DPP6: variants seen among roughly 807,000 people sequenced by gnomAD.
DPP6 encodes dipeptidyl peptidase like 6, also known as A-type potassium channel modulatory protein DPP6.
Under a neutral mutation model 122.6 loss-of-function variants are expected in DPP6, and 69 were observed. The ratio of observed to expected loss-of-function variants is 0.56; its 90% CI spans 0.46 to 0.69. DPP6 has a LOEUF of 0.69. DPP6 is among the 30% of genes least tolerant of loss of function. The probability of loss-of-function intolerance (pLI) is 0.00; values close to 1 mark genes in which losing one functional copy is unlikely to be tolerated. For missense variants in DPP6, 928 were observed against 1,116.9 expected (o/e 0.83, Z 2.41); for synonymous variants, 418 against 433.1 (o/e 0.97, Z 0.43).
chr7:154,526,745 A>G (rs1827436414), intron 3 of DPP6, among the ~76,000 whole-genome samples: 1 of 152,166 alleles, frequency 6.6e-6, no homozygotes, highest in Admixed American at 6.5e-5. Flanking sequence ...ATAACTTGCC[A>G]TACACACCTT....
intron 6 of DPP6, among the ~76,000 whole-genome samples, chr7:154,651,486 A>G (rs528892592): frequency 2.0e-5 from 3 of 152,190 alleles, no homozygotes; most frequent in South Asian, 2.1e-4. Context: ...TCCGTGGGCT[A>G]AACAAAACCC....
chr7:154,224,293 G>C (rs1800472134), intron 1 of DPP6, among the ~76,000 whole-genome samples: 1 of 148,892 alleles, frequency 6.7e-6, no homozygotes, highest in Non-Finnish European at 1.5e-5. Flanking sequence ...CTGCACTCCA[G>C]CCTGGGTGAC....
intron 1 of DPP6, among the ~76,000 whole-genome samples, chr7:154,081,010 A>G (rs1159408350): frequency 6.6e-6 from 1 of 152,092 alleles, no homozygotes; most frequent in Non-Finnish European, 1.5e-5. Context: ...ACATCCATCT[A>G]TACCTAGATC....
At chr7:154,406,980 A>C (rs1816171662) in intron 1 of DPP6, among the ~76,000 whole-genome samples, 1 of 152,208 alleles carries the variant, frequency 6.6e-6, no homozygotes, top group African/African-American at 2.4e-5. Flanking sequence ...TAGCTCAGGC[A>C]AACATCAGCT....
intron 1 of DPP6, among the ~76,000 whole-genome samples, chr7:154,106,162 C>T (rs1321219943): frequency 6.7e-6 from 1 of 149,436 alleles, no homozygotes; most frequent in Non-Finnish European, 1.5e-5. Flanking sequence ...ATTCAGAAAA[C>T]ATCTTGAGTT....
In DPP6 at chr7:154,619,087, T is replaced by C. The variant is rs1417405151; in HGVS notation, c.628-18734T>C. ...TGTAAGATGTGACTTTGCTCCTCAT[T>C]TGCCTTCAGCCATGATGATGAGGCC... On this transcript the variant is annotated intron_variant, in intron 5 of 25. Coordinates refer to ENST00000377770, the MANE Select transcript of DPP6 (RefSeq NM_130797.4). Among the ~76,000 whole-genome samples, 5 of 152,178 alleles carry C rather than the reference T, an allele frequency of 3.3e-5. No individual in the cohort carries two copies. In the South Asian group the frequency reaches 6.2e-4, roughly 19 times the overall value.
intron 1 of DPP6, among the ~76,000 whole-genome samples, chr7:154,236,113 A>G (rs1801197873): frequency 6.6e-6 from 1 of 152,184 alleles, no homozygotes; most frequent in Non-Finnish European, 1.5e-5. Context: ...TTGGCCTCCC[A>G]AAGTGCTGGG....
intron 1 of DPP6, among the ~76,000 whole-genome samples, chr7:154,076,380 GC>G (rs1050425079): frequency 6.6e-6 from 1 of 151,950 alleles, no homozygotes; most frequent in African/African-American, 2.4e-5. Flanking sequence ...AACCTGGGAG[GC>G]GGAGGTTGCA....
chr7:154,479,990 G>A (rs916832428), intron 3 of DPP6, among the ~76,000 whole-genome samples: 4 of 151,964 alleles, frequency 2.6e-5, no homozygotes, highest in Admixed American at 6.6e-5. Flanking sequence ...CAACACTGCC[G>A]CTGGCTCTTC....
intron 6 of DPP6, among the ~76,000 whole-genome samples, chr7:154,641,939 C>T (rs1836127408): frequency 6.6e-6 from 1 of 152,124 alleles, no homozygotes; most frequent in Non-Finnish European, 1.5e-5. Context: ...TTTTCAGGCA[C>T]CAAACAAAAC....
chr7:154,146,212 ACTT>A (rs1454050394), intron 1 of DPP6, among the ~76,000 whole-genome samples: 7 of 83,708 alleles, frequency 8.4e-5, no homozygotes. Flanking sequence ...CTGTCTCTCC[ACTT>A]CTTCTACAAG....
intron 8 of DPP6, among the ~76,000 whole-genome samples, chr7:154,753,898 C>G (rs1843527852): frequency 6.6e-6 from 1 of 152,302 alleles, no homozygotes; most frequent in African/African-American, 2.4e-5. Flanking sequence ...TGAGCTGCTT[C>G]CTGGGGTCAG....
At chr7:154,144,715 T>C (rs1185918535) in intron 1 of DPP6, among the ~76,000 whole-genome samples, 1 of 151,504 alleles carries the variant, frequency 6.6e-6, no homozygotes, top group African/African-American at 2.4e-5. Flanking sequence ...GATAAGGCGT[T>C]TTTTTAGGGT....
chr7:154,566,661 AT>A (rs1482574355), intron 4 of DPP6, among the ~76,000 whole-genome samples, 180 bp from the exon 5 acceptor site: 4 of 152,222 alleles, frequency 2.6e-5, no homozygotes, highest in Admixed American at 1.3e-4. Context: ...TTGAAAAAAA[AT>A]ACAAATAAAA....
At chr7:154,574,573 T>G (rs1481077866) in intron 5 of DPP6, among the ~76,000 whole-genome samples, 2 of 139,998 alleles carry the variant, frequency 1.4e-5, no homozygotes, top group East Asian at 4.8e-4. Context: ...TATAAGTGTG[T>G]GGTGTGTGTG....
chr7:154,779,290 CACTACTATCACCA>C, intron 10 of DPP6, among the ~76,000 whole-genome samples: 1 of 89,308 alleles, frequency 1.1e-5, no homozygotes, highest in African/African-American at 3.3e-5. Context: ...CCACCACCCC[CACTACTATCACCA>C]CCACCCCCAC....
At chr7:154,154,930 CT>C (rs1015838362) in intron 1 of DPP6, among the ~76,000 whole-genome samples, 1 of 152,112 alleles carries the variant, frequency 6.6e-6, no homozygotes, top group Non-Finnish European at 1.5e-5. Context: ...ACAATTTAGG[CT>C]GCACAGCTGC....
intron 1 of DPP6, among the ~76,000 whole-genome samples, chr7:154,235,632 G>A (rs1180366818): frequency 6.6e-6 from 1 of 151,922 alleles, no homozygotes; most frequent in Admixed American, 6.6e-5. Flanking sequence ...TATCACCAGT[G>A]TGCTTGGATG....
intron 1 of DPP6, among the ~76,000 whole-genome samples, chr7:154,395,311 G>T (rs1448181620): frequency 6.6e-6 from 1 of 152,156 alleles, no homozygotes; most frequent in South Asian, 2.1e-4. Flanking sequence ...TACAAATTTT[G>T]GGGGGAAACA....
Sources: gnomAD v4.1 joint callset for allele counts (sites outside exome capture counted in the v4.1 genomes callset) on GRCh38, gnomAD v4.1.1 for gene constraint, MANE v1.5 for transcripts, NCBI Gene and HGNC (gene_info 2026-07-23, HGNC 2026-07-21) for gene names.